Variants in CYP8B1 observed in about 807,000 individuals in gnomAD.
CYP8B1 encodes cytochrome P450 family 8 subfamily B member 1, also known as 7-alpha-hydroxycholest-4-en-3-one 12-alpha-hydroxylase.
For synonymous variants in CYP8B1, 221 were observed against 251.2 expected (o/e 0.88, Z 1.14); for missense variants, 594 against 643.7 (o/e 0.92, Z 0.84).
Position 42,874,523 on chromosome 3 carries a change from G to C in CYP8B1, c.1294C>G (p.Pro432Ala), listed in dbSNP as rs148221181. The change falls in exon 1 of 1, where the codon CCC becomes GCC. Residue 432 changes from proline to alanine, a missense_variant. Coordinates refer to ENST00000316161, the MANE Select transcript of CYP8B1 (RefSeq NM_004391.3). Reference protein sequence around the residue: ...TGKKIHHYTMPWGSGVSICPG... With the variant: ...TGKKIHHYTMAWGSGVSICPG... ...CAGATGGAAACGCCCGAACCCCAGGGCATGGTGTAGTGGTGGATCTTCTTG... is the reference window on the plus strand; with the variant it reads ...CAGATGGAAACGCCCGAACCCCAGGCCATGGTGTAGTGGTGGATCTTCTTG... 6.2e-7 allele frequency: 1 copy of C among 1,614,148 alleles called. No homozygotes were observed. Among genetic ancestry groups the C allele is most frequent in the African/African-American group, 1.3e-5 (1 of 75,026 alleles).
At position 42,875,456 on chromosome 3, in the gene CYP8B1, C is replaced by T. The variant is rs1427765563; in HGVS notation, c.361G>A (p.Glu121Lys). Residue 121 changes from glutamate (E) to lysine (K), a missense_variant, in exon 1 of 1, where the codon GAG becomes AAG. Glu to Lys is a moderately conservative substitution (Grantham distance 56). Transcript: ENST00000316161. ...FGYRSVQGDH[E>K]MIHSASTKHL... ...TTGGTGCTGGCTGAGTGTATCATCT[C>T]ATGGTCCCCTTGCACTGAACGGTAT... 2 of 1,607,564 alleles carry T rather than the reference C, an allele frequency of 1.2e-6. No homozygotes were observed. Among genetic ancestry groups the T allele is most frequent in the South Asian group, 2.2e-5 (2 of 90,434 alleles).
chr3:42,873,327 C>T lies in CYP8B1; in HGVS notation c.*984G>A, dbSNP rs2088487473. On this transcript the variant is annotated 3_prime_UTR_variant, in exon 1 of 1. Coordinates refer to ENST00000316161, the MANE Select transcript of CYP8B1 (RefSeq NM_004391.3). ...TCACACCACTGCACTGCAGCCTGGG[C>T]AACAGAGTGAGACTCTGTCTCAAAA... is the stretch of plus-strand genomic sequence containing the variant. The T allele has an allele frequency of 6.7e-6, 1 of 148,534 alleles. No homozygotes were observed. The highest frequency in any genetic ancestry group is 1.5e-5 in the Non-Finnish European group (1 of 67,602). The allele number at this position is 148,534 out of a possible 1,614,324, so 9.2% of individuals were successfully genotyped here. A position where few individuals can be genotyped will look rare whatever the true frequency, so the allele number is the denominator to read the frequency against.
In CYP8B1 at chr3:42,872,550, G is replaced by A. The variant is rs1329865097; in HGVS notation, c.*1761C>T. The A allele has an allele frequency of 6.6e-6, 1 of 152,246 alleles. No homozygotes were observed. Among genetic ancestry groups the A allele is most frequent in the Non-Finnish European group, 1.5e-5 (1 of 68,070 alleles). The allele number at this position is 152,246 out of a possible 1,614,324, so 9.4% of individuals were successfully genotyped here. A position where few individuals can be genotyped will look rare whatever the true frequency, so the allele number is the denominator to read the frequency against. On this transcript the variant is annotated 3_prime_UTR_variant, in exon 1 of 1. Transcript: ENST00000316161. ...GTGACAAAATTTAAACATCAGGTAT[G>A]TGAAGGCAAGGGGGACCAACTGTGA...
rs754676438 is a variant in CYP8B1, at chr3:42,874,948, G to T, written c.869C>A (p.Thr290Asn). 1.9e-6 allele frequency: 3 copies of T among 1,612,416 alleles called. No individual in the cohort carries two copies. In the South Asian group the frequency reaches 3.3e-5, roughly 18 times the overall value. The change falls in exon 1 of 1, where the codon ACC becomes AAC. Residue 290 changes from threonine (T) to asparagine (N), a missense_variant. By Grantham distance (65) the Thr-to-Asn change is moderately conservative. Coordinates refer to ENST00000316161, the MANE Select transcript of CYP8B1 (RefSeq NM_004391.3). ...LWASQGNTGP[T>N]SFWALLYLLK... is the part of the protein sequence containing the mutation. ...GAGGTACAAGAGGGCCCAGAAAGAG[G>T]TAGGCCCCGTGTTCCCCTGGGAGGC...
In CYP8B1 at chr3:42,874,406, G is replaced by A. The variant is rs761246497; in HGVS notation, c.1411C>T (p.Pro471Ser). Reference protein sequence around the residue: ...FDLELVDPDTPLPHVDPQRWG... With the variant: ...FDLELVDPDTSLPHVDPQRWG... ...CGCTGCGGGTCAACATGGGGTAGTG[G>A]TGTGTCAGGGTCCACCAACTCTAAG... is the stretch of plus-strand genomic sequence containing the variant. The change falls in exon 1 of 1, where the codon CCA becomes TCA. Residue 471 changes from proline to serine, a missense_variant. By Grantham distance (74) the Pro-to-Ser change is moderately conservative. Transcript: ENST00000316161. 1 of 1,614,136 alleles carries A rather than the reference G, an allele frequency of 6.2e-7. No individual in the cohort carries two copies. The highest frequency in any genetic ancestry group is 8.5e-7 in the Non-Finnish European group (1 of 1,180,012).
chr3:42,875,600 C>A lies in CYP8B1; in HGVS notation c.217G>T (p.Gly73Trp). ...KHGDVFTVQL[G>W]GQYFTFVMDP... ...ATGACGAAGGTGAAGTACTGGCCCC[C>A]TAGCTGCACTGTGAACACATCCCCA... The change falls in exon 1 of 1, where the codon GGG becomes TGG. Residue 73 changes from glycine to tryptophan, a missense_variant. Coordinates refer to ENST00000316161, the MANE Select transcript of CYP8B1 (RefSeq NM_004391.3). The A allele has an allele frequency of 6.6e-7, 1 of 1,504,362 alleles. No homozygotes were observed. The highest frequency in any genetic ancestry group is 8.9e-7 in the Non-Finnish European group (1 of 1,125,778). The allele number at this position is 1,504,362 out of a possible 1,614,324, so 93.2% of individuals were successfully genotyped here. A position where few individuals can be genotyped will look rare whatever the true frequency, so the allele number is the denominator to read the frequency against.
In CYP8B1 at chr3:42,873,993, G is replaced by A. The variant is rs1427598951; in HGVS notation, c.*318C>T. On this transcript the variant is annotated 3_prime_UTR_variant, in exon 1 of 1. Transcript: ENST00000316161. ...TGTTACTCGTGTCTGGGGGGAACCA[G>A]TCTCTGTACTCAGGACTTCTCAAGG... The A allele has an allele frequency of 2.8e-6, 1 of 359,398 alleles. No homozygotes were observed. Among genetic ancestry groups the A allele is most frequent in the African/African-American group, 2.0e-5 (1 of 48,832 alleles). The allele number at this position is 359,398 out of a possible 1,614,324, so 22.3% of individuals were successfully genotyped here. A position where few individuals can be genotyped will look rare whatever the true frequency, so the allele number is the denominator to read the frequency against.
Position 42,875,370 on chromosome 3 carries a change from A to C in CYP8B1, c.447T>G (p.Phe149Leu). The change falls in exon 1 of 1, where the codon TTT (phenylalanine) becomes TTG (leucine). Residue 149 changes from phenylalanine (F) to leucine (L), a missense_variant. Coordinates refer to ENST00000316161, the MANE Select transcript of CYP8B1 (RefSeq NM_004391.3). ...TCCAGCCTTTGGACGTCAGCATTAC[A>C]AAGGACAGGCTGTCCAGCATGGTCT... is the stretch of plus-strand genomic sequence containing the variant. ...LNETMLDSLS[F>L]VMLTSKGWSL... is the part of the protein sequence containing the mutation. 1 of 1,614,182 alleles carries C rather than the reference A, an allele frequency of 6.2e-7. No individual in the cohort carries two copies. The highest frequency in any genetic ancestry group is 8.5e-7 in the Non-Finnish European group (1 of 1,180,032).
In CYP8B1 at chr3:42,874,794, G is replaced by C. The variant is rs1431011532; in HGVS notation, c.1023C>G (p.Asp341Glu). 2.5e-6 allele frequency: 4 copies of C among 1,614,046 alleles called. No homozygotes were observed. The highest frequency in any genetic ancestry group is 3.4e-6 in the Non-Finnish European group (4 of 1,179,964). ...GCCGCAGCGTCTCCTCCACCACGCT[G>C]TCTAGAACTGGGGTGTGTTGCAGGG... ...LGALQHTPVL[D>E]SVVEETLRLR... The change falls in exon 1 of 1, where the codon GAC becomes GAG. Residue 341 changes from aspartate (D) to glutamate (E), a missense_variant. Transcript: ENST00000316161.
In CYP8B1 at chr3:42,874,529, TGTA is replaced by T. The variant is rs1204300276; in HGVS notation, c.1285_1287del (p.Tyr429del). 1 of 1,613,766 alleles carries T rather than the reference TGTA, an allele frequency of 6.2e-7. No homozygotes were observed. Among genetic ancestry groups the T allele is most frequent in the Non-Finnish European group, 8.5e-7 (1 of 1,179,976 alleles). ...GAAACGCCCGAACCCCAGGGCATGG[TGTA>T]GTGGTGGATCTTCTTGCCTGTCTTG... On this transcript the variant is annotated inframe_deletion, in exon 1 of 1. Transcript: ENST00000316161.
Position 42,875,306 on chromosome 3 carries a change from G to A in CYP8B1, c.511C>T (p.Arg171Cys), listed in dbSNP as rs202192572. The A allele has an allele frequency of 7.1e-5, 114 of 1,612,830 alleles. No homozygotes were observed. In the East Asian group the frequency reaches 2.2e-3, roughly 31 times the overall value. ...ASCWHEDSLFRFCYYILFTAG... is the reference protein window; with the variant it reads ...ASCWHEDSLFCFCYYILFTAG... ...GTGAACAAGATGTAATAGCAGAAGC[G>A]AAAGAGGCTGTCCTCATGCCAGCAA... is the stretch of plus-strand genomic sequence containing the variant. Residue 171 changes from arginine to cysteine, a missense_variant, in exon 1 of 1, where the codon CGC (arginine) becomes TGC (cysteine). Coordinates refer to ENST00000316161, the MANE Select transcript of CYP8B1 (RefSeq NM_004391.3).
In CYP8B1 at chr3:42,875,198, G is replaced by A. The variant is rs371888894; in HGVS notation, c.619C>T (p.Arg207Cys). 1.3e-5 allele frequency: 21 copies of A among 1,592,466 alleles called. No individual in the cohort carries two copies. The highest frequency in any genetic ancestry group is 1.7e-4 in the Middle Eastern group (1 of 5,942). Residue 207 changes from arginine to cysteine, a missense_variant, in exon 1 of 1, where the codon CGC becomes TGC. Transcript: ENST00000316161. ...CTTGGGAAAAGAAGGTCAAACTTGC[G>A]GAACTCCATGAATAACTCTCCTGCC... ...LQAGELFMEF[R>C]KFDLLFPRFV...
At position 42,875,049 on chromosome 3, in the gene CYP8B1, G is replaced by T; in HGVS notation, c.768C>A (p.Gly256=). ...QEKEGISNWL[G]NMLQFLREQG... ...GCTCCCTCAGAAACTGAAGCATGTT[G>T]CCCAGCCAGTTGCTGATGCCCTCCT... Residue 256 remains glycine (G), a synonymous_variant, in exon 1 of 1, where the codon GGC becomes GGA. Coordinates refer to ENST00000316161, the MANE Select transcript of CYP8B1 (RefSeq NM_004391.3). 2 of 1,613,878 alleles carry T rather than the reference G, an allele frequency of 1.2e-6. No homozygotes were observed. Among genetic ancestry groups the T allele is most frequent in the East Asian group, 2.2e-5 (1 of 44,888 alleles).
In CYP8B1 at chr3:42,875,359, G is replaced by T; in HGVS notation, c.458C>A (p.Thr153Lys). ...GGCATCCAGACTCCAGCCTTTGGAC[G>T]TCAGCATTACAAAGGACAGGCTGTC... The part of the protein sequence containing the change: ...MLDSLSFVML[T>K]SKGWSLDASC... Residue 153 changes from threonine (T) to lysine (K), a missense_variant, in exon 1 of 1, where the codon ACG becomes AAG. Coordinates refer to ENST00000316161, the MANE Select transcript of CYP8B1 (RefSeq NM_004391.3). The T allele has an allele frequency of 6.2e-7, 1 of 1,614,088 alleles. No individual in the cohort carries two copies. Among genetic ancestry groups the T allele is most frequent in the South Asian group, 1.1e-5 (1 of 91,080 alleles).
chr3:42,874,552 G>A lies in CYP8B1; in HGVS notation c.1265C>T (p.Thr422Ile). ...GGTGTAGTGGTGGATCTTCTTGCCT[G>A]TCTTGAAGAAGTCCACTTTCCGGCT... ...NGSRKVDFFK[T>I]GKKIHHYTMP... Residue 422 changes from threonine (T) to isoleucine (I), a missense_variant, in exon 1 of 1, where the codon ACA becomes ATA. Thr to Ile is a moderately conservative substitution (Grantham distance 89). Transcript: ENST00000316161. The A allele has an allele frequency of 6.2e-7, 1 of 1,614,158 alleles. No individual in the cohort carries two copies. The highest frequency in any genetic ancestry group is 1.3e-5 in the African/African-American group (1 of 75,020).
Position 42,874,048 on chromosome 3 carries a change from A to G in CYP8B1, c.*263T>C. The G allele has an allele frequency of 2.1e-6, 1 of 487,686 alleles. No homozygotes were observed. The highest frequency in any genetic ancestry group is 3.7e-6 in the Non-Finnish European group (1 of 270,140). The allele number at this position is 487,686 out of a possible 1,614,324, so 30.2% of individuals were successfully genotyped here. On this transcript the variant is annotated 3_prime_UTR_variant, in exon 1 of 1. Coordinates refer to ENST00000316161, the MANE Select transcript of CYP8B1 (RefSeq NM_004391.3). The stretch of plus-strand genomic sequence containing the variant: ...CATCATCTCCCAAACCAAGTTGCCC[A>G]CAGATACTCCCCCTTCCTCTGGACT...
Position 42,875,725 on chromosome 3 carries a change from C to A in CYP8B1, c.92G>T (p.Trp31Leu). 1 of 1,460,580 alleles carries A rather than the reference C, an allele frequency of 6.8e-7. No individual in the cohort carries two copies. Among genetic ancestry groups the A allele is most frequent in the Non-Finnish European group, 9.0e-7 (1 of 1,105,800 alleles). 90.5% of individuals were successfully genotyped at this position (1,460,580 alleles called of 1,614,324 possible). ...LPGMLRQRRPWEPPLDKGTVP... is the reference protein window; with the variant it reads ...LPGMLRQRRPLEPPLDKGTVP... ...GGTACCCTTGTCCAGAGGGGGCTCC[C>A]ATGGCCTGCGTTGTCGGAGCATCCC... is the stretch of plus-strand genomic sequence containing the variant. The change falls in exon 1 of 1, where the codon TGG (tryptophan) becomes TTG (leucine). Residue 31 changes from tryptophan (W) to leucine (L), a missense_variant. By Grantham distance (61) the Trp-to-Leu change is moderately conservative. Coordinates refer to ENST00000316161, the MANE Select transcript of CYP8B1 (RefSeq NM_004391.3).
At position 42,874,343 on chromosome 3, in the gene CYP8B1, G is replaced by A. The variant is rs761146146; in HGVS notation, c.1474C>T (p.Arg492Cys). 11 of 1,614,058 alleles carry A rather than the reference G, an allele frequency of 6.8e-6. No individual in the cohort carries two copies. The highest frequency in any genetic ancestry group is 2.2e-5 in the East Asian group (1 of 44,872). The change falls in exon 1 of 1, where the codon CGC becomes TGC. Residue 492 changes from arginine (R) to cysteine (C), a missense_variant. By Grantham distance (180) the Arg-to-Cys change is radical. Coordinates refer to ENST00000316161, the MANE Select transcript of CYP8B1 (RefSeq NM_004391.3). ...GTAGGATGCAGGCGGTAGCGGAAGC[G>A]CACATCGTGGCTGGGCTGCATGGTG... The part of the protein sequence containing the change: ...FGTMQPSHDV[R>C]FRYRLHPTE
At position 42,874,458 on chromosome 3, in the gene CYP8B1, A is replaced by G. The variant is rs1173508352; in HGVS notation, c.1359T>C (p.Phe453=). 1 of 1,614,146 alleles carries G rather than the reference A, an allele frequency of 6.2e-7. No homozygotes were observed. The highest frequency in any genetic ancestry group is 8.5e-7 in the Non-Finnish European group (1 of 1,180,020). ...RFFALSEVKL[F]ILLMVTHFDL... ...CAAAGTGTGTGACCATAAGCAGGAT[A>G]AAGAGCTTCACCTCACTGAGTGCAA... The change falls in exon 1 of 1, where the codon TTT becomes TTC. Residue 453 remains phenylalanine, a synonymous_variant. Coordinates refer to ENST00000316161, the MANE Select transcript of CYP8B1 (RefSeq NM_004391.3).
Sources: allele counts gnomAD v4.1 joint callset, GRCh38; gene constraint gnomAD v4.1.1; transcripts MANE v1.5; gene names NCBI Gene and HGNC (gene_info 2026-07-23, HGNC 2026-07-21).